The following HSPG2 variants were observed in gnomAD, a reference collection of about 807,000 sequenced individuals.
HSPG2 encodes the protein basement membrane-specific heparan sulfate proteoglycan core protein.
Under a neutral mutation model 526.6 loss-of-function variants are expected in HSPG2, and 278 were observed. The ratio of observed to expected loss-of-function variants is 0.53; its 90% CI spans 0.48 to 0.58. The LOEUF (loss-of-function observed/expected upper bound fraction) is 0.58, where lower values mean the gene tolerates loss of function less well. Ranked by LOEUF, HSPG2 falls within the 20% of genes least tolerant of loss-of-function variation. The probability of loss-of-function intolerance (pLI) is 0.00; values close to 1 mark genes in which losing one functional copy is unlikely to be tolerated. For synonymous variants in HSPG2, 2,465 were observed against 2,555.4 expected (o/e 0.96, Z 1.07); for missense variants, 5,354 against 6,099.5 (o/e 0.88, Z 4.07).
intron 1 of HSPG2, among the ~76,000 whole-genome samples, chr1:21,916,300 G>C (rs12727594): frequency 6.6e-6 from 1 of 152,088 alleles, no homozygotes; most frequent in Non-Finnish European, 1.5e-5. Flanking sequence ...AGGAGATCGA[G>C]ACCATCCTGG....
intron 42 of HSPG2, 51 bp from the exon 43 acceptor site, chr1:21,857,436 C>T (rs1375725432): frequency 2.0e-6 from 3 of 1,509,524 alleles, no homozygotes; most frequent in Non-Finnish European, 2.8e-6. Flanking sequence ...AGGCCCCGGT[C>T]CTGTGGCCAC....
Position 21,828,005 on chromosome 1 carries a change from G to C in HSPG2, c.12532+25C>G, listed in dbSNP as rs2097984307. On this transcript the variant is annotated intron_variant, in intron 90 of 96. Transcript: ENST00000374695. This position sits in a 1 kb window ranked among gnomAD's most constrained non-coding sequence, Gnocchi z 6.0. ...TCCGGGGCCCCAAGACAGAGATGAA[G>C]TGGAGAGAAGCCAGGCCTGGGTACC... The C allele has an allele frequency of 1.2e-6, 2 of 1,613,484 alleles. No individual in the cohort carries two copies. Among genetic ancestry groups the C allele is most frequent in the Admixed American group, 3.3e-5 (2 of 59,972 alleles).
intron 44 of HSPG2, among the ~76,000 whole-genome samples, 167 bp from the exon 45 acceptor site, chr1:21,856,079 C>A (rs1220300191): frequency 1.8e-4 from 28 of 152,184 alleles, no homozygotes; most frequent in Admixed American, 1.8e-3. Flanking sequence ...CTTGTGACCT[C>A]CCACCTTGAG....
chr1:21,826,178 C>T (rs552902471), intron 91 of HSPG2, among the ~76,000 whole-genome samples: 1 of 152,194 alleles, frequency 6.6e-6, no homozygotes, highest in Non-Finnish European at 1.5e-5. Context: ...ACCTCCTGGG[C>T]TCAAGTGATC....
chr1:21,887,347 G>T lies in HSPG2; in HGVS notation c.959-13C>A. ...GGTGGCGGGGGGCCTAGGAGACCGG[G>T]CAGGGGTCAGCAGCATCCTCCCGGG... is the stretch of plus-strand genomic sequence containing the variant. On this transcript the variant is annotated splice_polypyrimidine_tract_variant and intron_variant, in intron 8 of 96. Transcript: ENST00000374695. This position sits in a 1 kb window ranked among gnomAD's most constrained non-coding sequence, Gnocchi z 5.0. 1 of 1,613,954 alleles carries T rather than the reference G, an allele frequency of 6.2e-7. No individual in the cohort carries two copies. The highest frequency in any genetic ancestry group is 8.5e-7 in the Non-Finnish European group (1 of 1,179,930).
intron 55 of HSPG2, among the ~76,000 whole-genome samples, chr1:21,850,821 C>T (rs761327872): frequency 1.3e-5 from 2 of 152,144 alleles, no homozygotes; most frequent in African/African-American, 4.8e-5. Flanking sequence ...TAGCGGATCT[C>T]GCAATCAGTG....
In HSPG2 at chr1:21,841,146, C is replaced by G. The variant is rs1267210656; in HGVS notation, c.9468G>C (p.Leu3156Phe). 6.2e-7 allele frequency: 1 copy of G among 1,613,680 alleles called. No homozygotes were observed. Among genetic ancestry groups the G allele is most frequent in the African/African-American group, 1.3e-5 (1 of 75,068 alleles). Residue 3156 changes from leucine to phenylalanine, a missense_variant, in exon 71 of 97, where the codon TTG becomes TTC. Physicochemically the swap from Leu to Phe is conservative, Grantham distance 22. Coordinates refer to ENST00000374695, the MANE Select transcript of HSPG2 (RefSeq NM_005529.7). ...CCATGAGCCCATATGTCCGCTGCTCCAACTTGGCAGGGGTGCTGCTGATCC... is the reference window on the plus strand; with the variant it reads ...CCATGAGCCCATATGTCCGCTGCTCGAACTTGGCAGGGGTGCTGCTGATCC... ...WTRISSTPAK[L>F]EQRTYGLMDS... is the part of the protein sequence containing the mutation.
chr1:21,881,580 G>A (rs1641513444), intron 13 of HSPG2, 78 bp from the exon 14 acceptor site: 3 of 1,244,784 alleles, frequency 2.4e-6, no homozygotes, highest in Non-Finnish European at 3.4e-6. Context: ...CAGCAATCCA[G>A]AAAGGTGGGA....
Position 21,887,178 on chromosome 1 carries a change from G to C in HSPG2, c.1078+37C>G. On this transcript the variant is annotated intron_variant, in intron 9 of 96. Transcript: ENST00000374695. This position sits in a 1 kb window ranked among gnomAD's most constrained non-coding sequence, Gnocchi z 5.0. ...GGGGCAGGAGCAAGCGGCCTGGGCA[G>C]GGCAAGGGGGCCTCAGCTGGACCCT... is the stretch of plus-strand genomic sequence containing the variant. 1 of 1,612,314 alleles carries C rather than the reference G, an allele frequency of 6.2e-7. No individual in the cohort carries two copies. The highest frequency in any genetic ancestry group is 8.5e-7 in the Non-Finnish European group (1 of 1,179,782).
At chr1:21,871,258 GTT>G (rs5772965) in intron 33 of HSPG2, among the ~76,000 whole-genome samples, 9 of 114,700 alleles carry the variant, frequency 7.8e-5, no homozygotes, top group African/African-American at 6.9e-5. Context: ...CAGAGTATTT[GTT>G]TTTTTTTTTT....
chr1:21,852,290 G>C (rs959807498), intron 52 of HSPG2, 57 bp from the exon 53 acceptor site: 1 of 1,603,904 alleles, frequency 6.2e-7, no homozygotes, highest in African/African-American at 1.3e-5. Context: ...GAGAGGGCAG[G>C]GGTTGCCCAC....
chr1:21,923,337 C>T lies in HSPG2; in HGVS notation c.63+13818G>A, dbSNP rs183117596. Among the ~76,000 whole-genome samples, 682 of 151,958 alleles carry T rather than the reference C, an allele frequency of 4.5e-3. 2 individuals carry two copies. Among genetic ancestry groups the T allele is most frequent in the African/African-American group, 0.015 (639 of 41,418 alleles). On this transcript the variant is annotated intron_variant, in intron 1 of 96. Coordinates refer to ENST00000374695, the MANE Select transcript of HSPG2 (RefSeq NM_005529.7). ...CAGGAGAATCGCTTGAACCAGGAAGCGGAGGCTGCAGTGAGCCGAGATCAT... is the reference window on the plus strand; with the variant it reads ...CAGGAGAATCGCTTGAACCAGGAAGTGGAGGCTGCAGTGAGCCGAGATCAT...
At chr1:21,867,060 A>AT (rs760247347) in intron 33 of HSPG2, among the ~76,000 whole-genome samples, 1,561 of 74,636 alleles carry the variant, frequency 0.021, 13 homozygotes, top group Non-Finnish European at 0.03. Flanking sequence ...AAAATTTTTT[A>AT]TTTTTTTTTT....
chr1:21,855,498 C>A, intron 46 of HSPG2, 25 bp downstream of exon 46: 2 of 1,611,606 alleles, frequency 1.2e-6, no homozygotes, highest in Non-Finnish European at 1.7e-6. Flanking sequence ...CACTCCCGGC[C>A]CCCACCCTGA....
At chr1:21,906,498 C>G (rs1433715553) in intron 1 of HSPG2, among the ~76,000 whole-genome samples, 2 of 152,190 alleles carry the variant, frequency 1.3e-5, no homozygotes, top group Admixed American at 6.5e-5. Flanking sequence ...GCAGGCAGGG[C>G]CAGGCCCATG....
chr1:21,855,082 C>A, intron 47 of HSPG2, 99 bp from the exon 48 acceptor site: 2 of 1,479,172 alleles, frequency 1.4e-6, no homozygotes, highest in East Asian at 2.3e-5. Context: ...GGTGCAGGGC[C>A]AATATTAGGG....
Position 21,878,983 on chromosome 1 carries a change from C to T in HSPG2, c.2471+11G>A. The T allele has an allele frequency of 6.2e-7, 1 of 1,612,878 alleles. No individual in the cohort carries two copies. Among genetic ancestry groups the T allele is most frequent in the Non-Finnish European group, 8.5e-7 (1 of 1,179,346 alleles). Reference sequence around the variant, plus strand: ...CAGCCAAACCCCCCCTGACCCGGAGCTGGGGCTGACCTGCGGGAGGCATCG... The same window carrying T: ...CAGCCAAACCCCCCCTGACCCGGAGTTGGGGCTGACCTGCGGGAGGCATCG... On this transcript the variant is annotated intron_variant, in intron 18 of 96. Coordinates refer to ENST00000374695, the MANE Select transcript of HSPG2 (RefSeq NM_005529.7).
At position 21,848,605 on chromosome 1, in the gene HSPG2, T is replaced by G; in HGVS notation, c.7737+38A>C. On this transcript the variant is annotated intron_variant, in intron 59 of 96. Transcript: ENST00000374695. The surrounding 1 kb of genome is among the most constrained non-coding windows in gnomAD (Gnocchi z 4.9). ...CCCCTCTTCCCATTGGGGGCTGGTG[T>G]GCCCTGCTTTTGCCCTCCCCACCTG... The G allele has an allele frequency of 6.2e-7, 1 of 1,611,334 alleles. No homozygotes were observed. Among genetic ancestry groups the G allele is most frequent in the Non-Finnish European group, 8.5e-7 (1 of 1,179,210 alleles).
chr1:21,830,047 G>A lies in HSPG2; in HGVS notation c.11716C>T (p.Arg3906Ter), dbSNP rs769720495. 6.2e-6 allele frequency: 10 copies of A among 1,604,724 alleles called. No homozygotes were observed. The highest frequency in any genetic ancestry group is 2.2e-5 in the East Asian group (1 of 44,514). The part of the protein sequence containing the change: ...DATCVNRPDG[R>*]GYTCRCHLGR... ...AGGTGGCAGCGGCAGGTGTAGCCTC[G>A]ACCGTCAGGCCGGTTCACACAGGTG... Residue 3906 changes from arginine (R) to a stop codon, truncating the protein, a stop_gained, in exon 86 of 97, where the codon CGA becomes TGA. Coordinates refer to ENST00000374695, the MANE Select transcript of HSPG2 (RefSeq NM_005529.7). LOFTEE classifies it high-confidence loss of function.
Sources: gnomAD v4.1 joint callset for allele counts (sites outside exome capture counted in the v4.1 genomes callset) on GRCh38, gnomAD v4.1.1 for gene constraint, Gnocchi (gnomAD v3.1) non-coding constraint, MANE v1.5 for transcripts, NCBI Gene and HGNC (gene_info 2026-07-23, HGNC 2026-07-21) for gene names.